The following CNTLN variants were observed in gnomAD, a reference collection of about 807,000 sequenced individuals.
CNTLN encodes centlein.
In CNTLN, 212 loss-of-function variants were observed where a neutral mutation model predicts 180.0. That is an observed-to-expected ratio of 1.18 (90% CI 1.05 to 1.32). CNTLN has a LOEUF of 1.32. Ranked by LOEUF, CNTLN falls within the 40% of genes most tolerant of loss-of-function variation. The pLI is 0.00. For missense variants in CNTLN, 2,095 were observed against 1,610.9 expected (o/e 1.30, Z -5.14); for synonymous variants, 722 against 563.1 (o/e 1.28, Z -3.99).
intron 20 of CNTLN, among the ~76,000 whole-genome samples, chr9:17,463,837 G>C (rs563405517): frequency 2.0e-5 from 3 of 151,436 alleles, no homozygotes; most frequent in African/African-American, 7.3e-5. Flanking sequence ...AGGTTCTTAC[G>C]AGGAATAAAT....
intron 5 of CNTLN, among the ~76,000 whole-genome samples, chr9:17,268,022 C>A (rs1238402788): frequency 6.6e-6 from 1 of 152,050 alleles, no homozygotes; most frequent in Non-Finnish European, 1.5e-5. Flanking sequence ...TGTTTGAAGC[C>A]TTCTTCTCTC....
intron 2 of CNTLN, among the ~76,000 whole-genome samples, chr9:17,172,632 T>C (rs145001022): frequency 0.014 from 2,057 of 152,304 alleles, 51 homozygotes; most frequent in African/African-American, 0.047. Flanking sequence ...AAAGTTTTAA[T>C]GCCTAACATT....
chr9:17,373,514 T>C (rs1470643696), intron 13 of CNTLN, among the ~76,000 whole-genome samples: 4 of 152,086 alleles, frequency 2.6e-5, no homozygotes, highest in African/African-American at 9.7e-5. Context: ...TTTTAATGGA[T>C]TGTTAAATTG....
At position 17,484,382 on chromosome 9, in the gene CNTLN, T is replaced by C. The variant is rs746518538; in HGVS notation, c.3943T>C (p.Cys1315Arg). The C allele has an allele frequency of 1.9e-6, 3 of 1,612,680 alleles. No individual in the cohort carries two copies. The African/African-American group carries it at 4.0e-5, about 22-fold the overall frequency. The part of the protein sequence containing the change: ...LKKMKKNRDA[C>R]KTSTHKAQTL... ...AAAAATGAAGAAAAACAGGGACGCC[T>C]GTAAAACCTCAACCCATAAAGCCCA... Residue 1315 changes from cysteine to arginine, a missense_variant, in exon 24 of 26, where the codon TGT (cysteine) becomes CGT (arginine). Transcript: ENST00000380647.
At chr9:17,500,810 A>G (rs1387522360) in intron 25 of CNTLN, among the ~76,000 whole-genome samples, 1 of 151,434 alleles carries the variant, frequency 6.6e-6, no homozygotes, top group Admixed American at 6.6e-5. Flanking sequence ...ATTTAAATGA[A>G]AGTTGCCCTG....
intron 18 of CNTLN, chr9:17,447,765 G>A (rs1588018769): frequency 6.5e-6 from 1 of 154,042 alleles, no homozygotes; most frequent in East Asian, 1.9e-4. Flanking sequence ...ACCATGGCAT[G>A]TGAAAGACAT....
intron 2 of CNTLN, among the ~76,000 whole-genome samples, chr9:17,219,257 C>CTT (rs112815886): frequency 7.0e-6 from 1 of 142,422 alleles, no homozygotes; most frequent in Non-Finnish European, 1.5e-5. Context: ...TTTAAGGAAC[C>CTT]TTTTTTTTTT....
chr9:17,377,411 C>T (rs772459540), intron 13 of CNTLN, among the ~76,000 whole-genome samples: 7 of 152,024 alleles, frequency 4.6e-5, no homozygotes, highest in Non-Finnish European at 8.8e-5. Context: ...CGTAGTGGTG[C>T]GTGCTTGTAA....
At chr9:17,424,596 T>A (rs1403597197) in intron 18 of CNTLN, among the ~76,000 whole-genome samples, 1 of 152,220 alleles carries the variant, frequency 6.6e-6, no homozygotes, top group Non-Finnish European at 1.5e-5. Context: ...ACTAAATATG[T>A]ATAAAACTTC....
intron 23 of CNTLN, among the ~76,000 whole-genome samples, chr9:17,480,725 A>G (rs1028149331): frequency 1.3e-5 from 2 of 152,224 alleles, no homozygotes; most frequent in Non-Finnish European, 2.9e-5. Context: ...AAATTTATCT[A>G]TCCACTTAAA....
downstream of CNTLN, among the ~76,000 whole-genome samples, chr9:17,507,941 A>C (rs919388644): frequency 6.6e-6 from 1 of 152,210 alleles, no homozygotes; most frequent in Non-Finnish European, 1.5e-5. Context: ...GGGATAATTT[A>C]AAAGAAGGTG....
intron 5 of CNTLN, among the ~76,000 whole-genome samples, chr9:17,247,339 G>A (rs1054080248): frequency 6.6e-6 from 1 of 152,152 alleles, no homozygotes; most frequent in South Asian, 2.1e-4. Flanking sequence ...TCTGGCTAGG[G>A]CTGGTCTACA....
chr9:17,262,369 T>C (rs142922124), intron 5 of CNTLN, among the ~76,000 whole-genome samples: 3 of 151,604 alleles, frequency 2.0e-5, no homozygotes, highest in Non-Finnish European at 4.4e-5. Flanking sequence ...ATGTGGTAGA[T>C]ATACACCATG....
At position 17,304,704 on chromosome 9, in the gene CNTLN, A is replaced by G. The variant is rs532597956; in HGVS notation, c.1147-4354A>G. Reference sequence around the variant, plus strand: ...ACCTTGAATTGAAAATATTTGGGAAAAAAATGAAAAATAGCAATACAACAA... The same window carrying G: ...ACCTTGAATTGAAAATATTTGGGAAGAAAATGAAAAATAGCAATACAACAA... On this transcript the variant is annotated intron_variant, in intron 7 of 25. Coordinates refer to ENST00000380647, the MANE Select transcript of CNTLN (RefSeq NM_017738.4). Among the ~76,000 whole-genome samples the G allele has an allele frequency of 1.2e-3, 186 of 152,300 alleles. 1 individual carries two copies. Among genetic ancestry groups the G allele is most frequent in the African/African-American group, 4.3e-3 (180 of 41,588 alleles).
chr9:17,276,349 A>G (rs774633300), intron 6 of CNTLN, among the ~76,000 whole-genome samples: 1 of 152,030 alleles, frequency 6.6e-6, no homozygotes, highest in South Asian at 2.1e-4. Flanking sequence ...GAGGGTGGTT[A>G]TGATATACCA....
At chr9:17,244,808 A>G (rs1825707045) in intron 5 of CNTLN, among the ~76,000 whole-genome samples, 1 of 151,846 alleles carries the variant, frequency 6.6e-6, no homozygotes, top group Admixed American at 6.6e-5. Context: ...TATCCATTGT[A>G]TGTGTCTTTA....
chr9:17,513,879 G>A, the CNTLN span, among the ~76,000 whole-genome samples: 42 of 152,228 alleles, frequency 2.8e-4, no homozygotes, highest in Middle Eastern at 3.4e-3. Flanking sequence ...AGAGAAAAGT[G>A]AAAACATGCA....
At chr9:17,461,301 T>G (rs972883233) in intron 19 of CNTLN, among the ~76,000 whole-genome samples, 3 of 151,630 alleles carry the variant, frequency 2.0e-5, no homozygotes, top group African/African-American at 7.3e-5. Flanking sequence ...AGCAAACGCT[T>G]CAATTATTTG....
chr9:17,387,021 T>A (rs1380543404), intron 13 of CNTLN, among the ~76,000 whole-genome samples: 2 of 152,212 alleles, frequency 1.3e-5, no homozygotes, highest in African/African-American at 4.8e-5. Flanking sequence ...AGGTGGCAAA[T>A]TCTACCTATC....
Sources: allele counts gnomAD v4.1 joint callset (sites outside exome capture counted in the v4.1 genomes callset), GRCh38; gene constraint gnomAD v4.1.1; transcripts MANE v1.5; gene names NCBI Gene and HGNC (gene_info 2026-07-23, HGNC 2026-07-21).